ZBTB8A: variants seen among roughly 807,000 people sequenced by gnomAD.
ZBTB8A encodes the protein zinc finger and BTB domain-containing protein 8A.
A neutral mutation model predicts 37.8 loss-of-function variants in ZBTB8A; 19 were observed. The ratio of observed to expected loss-of-function variants is 0.50; its 90% CI spans 0.35 to 0.74. ZBTB8A has a LOEUF of 0.74. ZBTB8A is among the 30% of genes least tolerant of loss of function. The pLI is 0.01. For missense variants in ZBTB8A, 394 were observed against 537.8 expected (o/e 0.73, Z 2.65); for synonymous variants, 181 against 185.2 (o/e 0.98, Z 0.19).
At chr1:32,551,743 G>T (rs1164929065) in intron 1 of ZBTB8A, among the ~76,000 whole-genome samples, 2 of 151,904 alleles carry the variant, frequency 1.3e-5, no homozygotes, top group Non-Finnish European at 2.9e-5. Flanking sequence ...GTTTGTTTTC[G>T]TATTTATTTA....
At chr1:32,596,595 C>CAAA (rs564330871) in intron 4 of ZBTB8A, among the ~76,000 whole-genome samples, 1 of 119,038 alleles carries the variant, frequency 8.4e-6, no homozygotes, top group Non-Finnish European at 1.8e-5. Flanking sequence ...AAAAAACAAA[C>CAAA]AAAAAAAATA....
chr1:32,571,370 C>T (rs1236716738), intron 2 of ZBTB8A, among the ~76,000 whole-genome samples: 1 of 152,114 alleles, frequency 6.6e-6, no homozygotes, highest in Non-Finnish European at 1.5e-5. Context: ...AGGAAGTTTC[C>T]TTCTATTTCT....
At chr1:32,599,379 C>A (rs1644557405) in intron 4 of ZBTB8A, among the ~76,000 whole-genome samples, 1 of 151,896 alleles carries the variant, frequency 6.6e-6, no homozygotes, top group South Asian at 2.1e-4. Context: ...GAGCCATGGT[C>A]ACCACTACAC....
intron 2 of ZBTB8A, among the ~76,000 whole-genome samples, chr1:32,569,203 T>C (rs1402528273): frequency 6.6e-6 from 1 of 152,168 alleles, no homozygotes; most frequent in African/African-American, 2.4e-5. Flanking sequence ...GGCATTTCCC[T>C]GAAGTGACAT....
At chr1:32,568,973 T>C (rs920488208) in intron 2 of ZBTB8A, among the ~76,000 whole-genome samples, 4 of 152,220 alleles carry the variant, frequency 2.6e-5, no homozygotes, top group Admixed American at 2.6e-4. Flanking sequence ...ATTTCTCTTG[T>C]ATAAATACCT....
rs552155163 is a variant in ZBTB8A, at chr1:32,596,144, C to T, written c.993+921C>T. The stretch of plus-strand genomic sequence containing the variant: ...CAGCACTTTGGGAGGCCGAGGCAGG[C>T]GGATCATGAGGTCAGGAGATCGAGA... On this transcript the variant is annotated intron_variant, in intron 4 of 4. Coordinates refer to ENST00000373510, the MANE Select transcript of ZBTB8A (RefSeq NM_001040441.3). Among the ~76,000 whole-genome samples, 57 of 151,870 alleles carry T rather than the reference C, an allele frequency of 3.8e-4. 1 individual carries two copies. Among genetic ancestry groups the T allele is most frequent in the South Asian group, 1.5e-3 (7 of 4,812 alleles).
At chr1:32,541,723 G>A (rs1036499577) in intron 1 of ZBTB8A, among the ~76,000 whole-genome samples, 4 of 152,136 alleles carry the variant, frequency 2.6e-5, no homozygotes, top group African/African-American at 7.2e-5. Flanking sequence ...TCCTCACGTG[G>A]CAGAAGGAAT....
intron 2 of ZBTB8A, among the ~76,000 whole-genome samples, chr1:32,590,902 C>CT (rs967992917): frequency 3.8e-4 from 58 of 151,014 alleles, no homozygotes; most frequent in Non-Finnish European, 7.1e-4. Flanking sequence ...TTTAATTTAA[C>CT]TTTTTTTTTA....
intron 4 of ZBTB8A, among the ~76,000 whole-genome samples, chr1:32,599,103 C>G (rs1644554208): frequency 6.6e-6 from 1 of 151,996 alleles, no homozygotes; most frequent in Non-Finnish European, 1.5e-5. Flanking sequence ...CTCCTTCTAT[C>G]TAAAATATTA....
chr1:32,565,333 C>CAAAAAAAGAAAAG (rs1644270352), intron 2 of ZBTB8A, among the ~76,000 whole-genome samples: 1 of 151,436 alleles, frequency 6.6e-6, no homozygotes, highest in African/African-American at 2.4e-5. Context: ...CCCCTCCCCC[C>CAAAAAAAGAAAAG]AAAAAAAGAA....
intron 2 of ZBTB8A, among the ~76,000 whole-genome samples, chr1:32,568,555 T>C (rs55738716): frequency 0.024 from 3,620 of 152,078 alleles, 43 homozygotes; most frequent in Middle Eastern, 0.031. Context: ...CCCGGCTAAT[T>C]TTTTATGTTT....
rs367798787 is a variant in ZBTB8A at position 32,596,250 on chromosome 1, A to G, written c.993+1027A>G. On this transcript the variant is annotated intron_variant, in intron 4 of 4. Coordinates refer to ENST00000373510, the MANE Select transcript of ZBTB8A (RefSeq NM_001040441.3). ...CCAGGCGTGGTGGCGGGCGCCTGCA[A>G]TCCCAGCTACTCAGGAGGCTGAGGC... Among the ~76,000 whole-genome samples, 811 of 152,114 alleles carry G rather than the reference A, an allele frequency of 5.3e-3. 6 individuals are homozygous for G. The highest frequency in any genetic ancestry group is 0.018 in the African/African-American group (734 of 41,528).
At chr1:32,591,544 C>T (rs1458990154) in intron 2 of ZBTB8A, among the ~76,000 whole-genome samples, 5 of 151,784 alleles carry the variant, frequency 3.3e-5, no homozygotes, top group African/African-American at 1.2e-4. Flanking sequence ...TGTCTGATAA[C>T]ACTTTTAGAC....
At chr1:32,579,743 G>A (rs953901317) in intron 2 of ZBTB8A, among the ~76,000 whole-genome samples, 4 of 152,026 alleles carry the variant, frequency 2.6e-5, no homozygotes, top group African/African-American at 9.7e-5. Flanking sequence ...GATCACAGTC[G>A]CATACTCACT....
intron 2 of ZBTB8A, among the ~76,000 whole-genome samples, chr1:32,580,185 C>T (rs773677922): frequency 3.7e-4 from 57 of 152,064 alleles, no homozygotes; most frequent in Non-Finnish European, 6.0e-4. Flanking sequence ...GAGCCAAGAT[C>T]GCACCACTGC....
At chr1:32,553,886 CAAAAAA>C (rs34338542) in intron 2 of ZBTB8A, among the ~76,000 whole-genome samples, 29 of 77,144 alleles carry the variant, frequency 3.8e-4, no homozygotes, top group African/African-American at 1.4e-3. Context: ...AACTCTGTCT[CAAAAAA>C]AAAAAAAAAA....
At chr1:32,586,028 C>T (rs989608627) in intron 2 of ZBTB8A, among the ~76,000 whole-genome samples, 5 of 143,332 alleles carry the variant, frequency 3.5e-5, no homozygotes, top group East Asian at 2.1e-4. Context: ...AAAAAAAGAA[C>T]GATTTCTGGC....
chr1:32,542,466 C>T (rs764920986), intron 1 of ZBTB8A, among the ~76,000 whole-genome samples: 8 of 152,054 alleles, frequency 5.3e-5, no homozygotes, highest in Admixed American at 2.0e-4. Context: ...CACAACTACT[C>T]GGGAGGCTGA....
chr1:32,539,691 C>CG (rs1343178773), intron 1 of ZBTB8A, 119 bp downstream of exon 1: 1 of 147,060 alleles, frequency 6.8e-6, no homozygotes, highest in Non-Finnish European at 1.5e-5. Context: ...GGGATGCGGG[C>CG]CCCGGGCGCG....
Sources: allele counts gnomAD v4.1 joint callset (sites outside exome capture counted in the v4.1 genomes callset), GRCh38; gene constraint gnomAD v4.1.1; transcripts MANE v1.5; gene names NCBI Gene and HGNC (gene_info 2026-07-23, HGNC 2026-07-21).